Variants in OR4N5 observed in about 807,000 individuals in gnomAD.
OR4N5 encodes olfactory receptor 4N5.
For missense variants in OR4N5, 428 were observed against 370.0 expected (o/e 1.16, Z -1.29); for synonymous variants, 155 against 140.6 (o/e 1.10, Z -0.72).
intron 2 of OR4N5, among the ~76,000 whole-genome samples, 187 bp from the exon 3 acceptor site, chr14:20,143,538 G>A (rs935731987): frequency 4.6e-5 from 7 of 152,112 alleles, no homozygotes; most frequent in African/African-American, 9.7e-5. Flanking sequence ...ACCTAAAAAC[G>A]TATTTTATTT....
Position 20,144,492 on chromosome 14 carries a change from C to G in OR4N5, c.757C>G (p.Pro253Ala). The stretch of plus-strand genomic sequence containing the variant: ...TATCATTATATTTCTCATGTTTGGA[C>G]CTGCTATTTTCATCTACACTTGCCC... ...HIIIIFLMFG[P>A]AIFIYTCPFQ... Residue 253 changes from proline (P) to alanine (A), a missense_variant, in exon 3 of 3, where the codon CCT becomes GCT. Coordinates refer to ENST00000641086, the MANE Select transcript of OR4N5 (RefSeq NM_001004724.2). 1 of 1,613,920 alleles carries G rather than the reference C, an allele frequency of 6.2e-7. No individual in the cohort carries two copies. Among genetic ancestry groups the G allele is most frequent in the Non-Finnish European group, 8.5e-7 (1 of 1,179,906 alleles).
In OR4N5 at chr14:20,143,787, AC is replaced by A. The variant is rs1394904972; in HGVS notation, c.55del (p.Gln19SerfsTer12). 2.2e-5 allele frequency: 36 copies of A among 1,613,702 alleles called. No individual in the cohort carries two copies. The highest frequency in any genetic ancestry group is 3.1e-5 in the Non-Finnish European group (36 of 1,179,806). ...VVTEFILLGLTQSQDAQLLVF... is the reference protein window; with the variant it reads ...VVTEFILLGLXQSQDAQLLVF... ...GACAGAATTCATTCTTCTTGGTCTG[AC>A]CCAGTCTCAAGATGCTCAACTTCTG... On this transcript the variant is annotated frameshift_variant, in exon 3 of 3. Coordinates refer to ENST00000641086, the MANE Select transcript of OR4N5 (RefSeq NM_001004724.2). LOFTEE classifies it low-confidence loss of function (END_TRUNC).
chr14:20,144,153 G>T lies in OR4N5; in HGVS notation c.418G>T (p.Ala140Ser). ...CTATTCAACCATCATGAACCCTAGA[G>T]CCTGCTATGCATTATCGTTGGTTCT... The part of the protein sequence containing the change: ...LHYSTIMNPR[A>S]CYALSLVLWL... The change falls in exon 3 of 3, where the codon GCC (alanine) becomes TCC (serine). Residue 140 changes from alanine to serine, a missense_variant. Transcript: ENST00000641086. The T allele has an allele frequency of 6.2e-7, 1 of 1,614,060 alleles. No homozygotes were observed. The highest frequency in any genetic ancestry group is 2.2e-5 in the East Asian group (1 of 44,872).
At chr14:20,141,525 A>C (rs1293248516) in intron 2 of OR4N5, among the ~76,000 whole-genome samples, 21 of 152,162 alleles carry the variant, frequency 1.4e-4, no homozygotes, top group Non-Finnish European at 4.4e-5. Context: ...AAATGTTCTG[A>C]TGTTTCCTAA....
chr14:20,142,058 G>A (rs1390044934), intron 2 of OR4N5, among the ~76,000 whole-genome samples: 19 of 152,178 alleles, frequency 1.2e-4, no homozygotes, highest in African/African-American at 4.3e-4. Flanking sequence ...ATCATCGTAT[G>A]TGAGTATTTA....
In OR4N5 at chr14:20,143,751, CT is replaced by C; in HGVS notation, c.17del (p.Leu6ProfsTer4). On this transcript the variant is annotated frameshift_variant, in exon 3 of 3. Transcript: ENST00000641086. LOFTEE classifies it low-confidence loss of function (END_TRUNC). ...GTGAGAAATTATGGAAACACAGAAC[CT>C]CACAGTGGTGACAGAATTCATTCTT... METQN[L>X]TVVTEFILLG... is the part of the protein sequence containing the mutation. 1.9e-6 allele frequency: 3 copies of C among 1,607,982 alleles called. No individual in the cohort carries two copies. Among genetic ancestry groups the C allele is most frequent in the Non-Finnish European group, 2.5e-6 (3 of 1,177,152 alleles).
intron 1 of OR4N5, among the ~76,000 whole-genome samples, chr14:20,139,880 A>G (rs993155518): frequency 6.6e-6 from 1 of 152,196 alleles, no homozygotes; most frequent in Non-Finnish European, 1.5e-5. Flanking sequence ...CTCAAACCAG[A>G]GACCTATTTT....
rs775837941 is a variant in OR4N5 at position 20,143,904 on chromosome 14, G to A, written c.169G>A (p.Ala57Thr). ...FTIKSDPGLTAPLYFFLGNLA... is the reference protein window; with the variant it reads ...FTIKSDPGLTTPLYFFLGNLA... ...CATAAAGTCAGACCCTGGGCTCACA[G>A]CCCCCCTCTATTTCTTTCTGGGCAA... is the stretch of plus-strand genomic sequence containing the variant. The change falls in exon 3 of 3, where the codon GCC becomes ACC. Residue 57 changes from alanine (A) to threonine (T), a missense_variant. Ala to Thr is a moderately conservative substitution (Grantham distance 58, BLOSUM62 0). Transcript: ENST00000641086. 1.2e-6 allele frequency: 2 copies of A among 1,614,014 alleles called. No homozygotes were observed. Among genetic ancestry groups the A allele is most frequent in the Non-Finnish European group, 1.7e-6 (2 of 1,179,954 alleles).
At chr14:20,139,729 G>A (rs1357785585) in intron 1 of OR4N5, among the ~76,000 whole-genome samples, 2 of 151,980 alleles carry the variant, frequency 1.3e-5, no homozygotes, top group Non-Finnish European at 2.9e-5. Flanking sequence ...TAAAAACAGC[G>A]AATATATTAT....
At chr14:20,141,312 T>TA (rs947666123) in intron 2 of OR4N5, 101 bp downstream of exon 2, 6 of 152,140 alleles carry the variant, frequency 3.9e-5, no homozygotes, top group African/African-American at 1.4e-4. Context: ...TCTAAATGGG[T>TA]AAAAAAGAAA....
Position 20,144,402 on chromosome 14 carries a change from T to C in OR4N5, c.667T>C (p.Cys223Arg). Reference sequence around the variant, plus strand: ...TCTGGCCTCCTATGCAGTCATCCTCTGTCGTATAAGGGAGCACTCCTCTGA... The same window carrying C: ...TCTGGCCTCCTATGCAGTCATCCTCCGTCGTATAAGGGAGCACTCCTCTGA... ...GLLASYAVILCRIREHSSEGK... is the reference protein window; with the variant it reads ...GLLASYAVILRRIREHSSEGK... Residue 223 changes from cysteine (C) to arginine (R), a missense_variant, in exon 3 of 3, where the codon TGT becomes CGT. Transcript: ENST00000641086. The C allele has an allele frequency of 6.2e-7, 1 of 1,614,052 alleles. No homozygotes were observed. Among genetic ancestry groups the C allele is most frequent in the Admixed American group, 1.7e-5 (1 of 59,976 alleles).
chr14:20,144,131 T>G lies in OR4N5; in HGVS notation c.396T>G (p.Tyr132Ter). The G allele has an allele frequency of 6.2e-7, 1 of 1,614,124 alleles. No homozygotes were observed. Among genetic ancestry groups the G allele is most frequent in the Non-Finnish European group, 8.5e-7 (1 of 1,179,988 alleles). ...TCGCCATCTGCCGGCCTTTACACTA[T>G]TCAACCATCATGAACCCTAGAGCCT... ...RYIAICRPLH[Y>*]STIMNPRACY... Residue 132 changes from tyrosine to a stop codon, truncating the protein, a stop_gained, in exon 3 of 3, where the codon TAT becomes TAG. Coordinates refer to ENST00000641086, the MANE Select transcript of OR4N5 (RefSeq NM_001004724.2). LOFTEE classifies it low-confidence loss of function (END_TRUNC).
rs774492548 is a variant in OR4N5 at position 20,144,250 on chromosome 14, A to G, written c.515A>G (p.Asn172Ser). 6.2e-7 allele frequency: 1 copy of G among 1,613,970 alleles called. No homozygotes were observed. Among genetic ancestry groups the G allele is most frequent in the Non-Finnish European group, 8.5e-7 (1 of 1,179,968 alleles). ...LILHLPFCGP[N>S]QLDNFFCDVP... The stretch of plus-strand genomic sequence containing the variant: ...CTGCACTTGCCTTTCTGTGGCCCAA[A>G]CCAGCTCGATAACTTCTTCTGTGAT... The change falls in exon 3 of 3, where the codon AAC becomes AGC. Residue 172 changes from asparagine to serine, a missense_variant. Transcript: ENST00000641086.
In OR4N5 at chr14:20,144,294, C is replaced by A; in HGVS notation, c.559C>A (p.Leu187Met). Residue 187 changes from leucine (L) to methionine (M), a missense_variant, in exon 3 of 3, where the codon CTG becomes ATG. Physicochemically the swap from Leu to Met is conservative, Grantham distance 15. Transcript: ENST00000641086. ...CTGTGATGTTCCACAGGTCATCAAG[C>A]TGGCCTGCACCAATACCTTTGTGGT... ...FFCDVPQVIK[L>M]ACTNTFVVEL... The A allele has an allele frequency of 6.2e-7, 1 of 1,614,058 alleles. No homozygotes were observed. The highest frequency in any genetic ancestry group is 8.5e-7 in the Non-Finnish European group (1 of 1,179,986).
Position 20,144,440 on chromosome 14 carries a change from G to C in OR4N5, c.705G>C (p.Lys235Asn). The C allele has an allele frequency of 6.2e-7, 1 of 1,613,250 alleles. No homozygotes were observed. The highest frequency in any genetic ancestry group is 8.5e-7 in the Non-Finnish European group (1 of 1,179,248). ...IREHSSEGKSKAISTCTTHII... is the reference protein window; with the variant it reads ...IREHSSEGKSNAISTCTTHII... Reference sequence around the variant, plus strand: ...AGCACTCCTCTGAAGGAAAGAGCAAGGCTATTTCCACATGCACCACCCATA... The same window carrying C: ...AGCACTCCTCTGAAGGAAAGAGCAACGCTATTTCCACATGCACCACCCATA... Residue 235 changes from lysine (K) to asparagine (N), a missense_variant, in exon 3 of 3, where the codon AAG (lysine) becomes AAC (asparagine). Physicochemically the swap from Lys to Asn is moderately conservative, Grantham distance 94 (BLOSUM62 0). Transcript: ENST00000641086.
In OR4N5 at chr14:20,144,759, G is replaced by C; in HGVS notation, c.*97G>C. ...ATTGAATCAGTCAGTCATTTAGCAA[G>C]TATTATAATTATTAAGTACTTCCCA... On this transcript the variant is annotated 3_prime_UTR_variant, in exon 3 of 3. Transcript: ENST00000641086. 1 of 761,394 alleles carries C rather than the reference G, an allele frequency of 1.3e-6. No homozygotes were observed. Among genetic ancestry groups the C allele is most frequent in the Non-Finnish European group, 2.1e-6 (1 of 471,254 alleles). The allele number at this position is 761,394 out of a possible 1,614,324, so 47.2% of individuals were successfully genotyped here. A position where few individuals can be genotyped will look rare whatever the true frequency, so the allele number is the denominator to read the frequency against.
intron 2 of OR4N5, among the ~76,000 whole-genome samples, chr14:20,143,320 G>C (rs1040380444): frequency 6.6e-5 from 10 of 152,164 alleles, no homozygotes; most frequent in Admixed American, 1.3e-4. Flanking sequence ...GGAAGAAAGG[G>C]AACTAAAACC....
chr14:20,144,850 T>A lies in OR4N5; in HGVS notation c.*188T>A. ...GATTCCAGGTCTCCTAGATTTATAT[T>A]CAAGGGGATAAATACAGGTTATTAG... On this transcript the variant is annotated 3_prime_UTR_variant, in exon 3 of 3. Coordinates refer to ENST00000641086, the MANE Select transcript of OR4N5 (RefSeq NM_001004724.2). The A allele has an allele frequency of 1.7e-6, 1 of 572,794 alleles. No individual in the cohort carries two copies. The highest frequency in any genetic ancestry group is 3.1e-6 in the Non-Finnish European group (1 of 324,272). 35.5% of individuals were successfully genotyped at this position (572,794 alleles called of 1,614,324 possible). A position where few individuals can be genotyped will look rare whatever the true frequency, so the allele number is the denominator to read the frequency against.
At position 20,144,527 on chromosome 14, in the gene OR4N5, T is replaced by C; in HGVS notation, c.792T>C (p.Ala264=). 1 of 1,614,100 alleles carries C rather than the reference T, an allele frequency of 6.2e-7. No homozygotes were observed. The highest frequency in any genetic ancestry group is 8.5e-7 in the Non-Finnish European group (1 of 1,179,952). Residue 264 remains alanine, a synonymous_variant, in exon 3 of 3, where the codon GCT becomes GCC. Transcript: ENST00000641086. The part of the protein sequence containing the change: ...AIFIYTCPFQ[A]FPADKVVSLF... ...TCATCTACACTTGCCCCTTCCAGGC[T>C]TTCCCAGCTGACAAGGTAGTTTCTC...
Sources: gnomAD v4.1 joint callset for allele counts (sites outside exome capture counted in the v4.1 genomes callset) on GRCh38, gnomAD v4.1.1 for gene constraint, MANE v1.5 for transcripts, NCBI Gene and HGNC (gene_info 2026-07-23, HGNC 2026-07-21) for gene names.